The following CYP4F8 variants were observed in gnomAD, a reference collection of about 807,000 sequenced individuals.
CYP4F8 encodes the protein cytochrome P450 family 4 subfamily F member 8.
A neutral mutation model predicts 55.0 loss-of-function variants in CYP4F8; 56 were observed. The ratio of observed to expected loss-of-function variants is 1.02; its 90% confidence interval spans 0.82 to 1.27. The LOEUF (loss-of-function observed/expected upper bound fraction) is 1.27. Ranked by LOEUF, CYP4F8 falls within the 50% of genes most tolerant of loss-of-function variation. The pLI is 0.00. For synonymous variants in CYP4F8, 288 were observed against 267.3 expected (o/e 1.08, Z -0.76); for missense variants, 680 against 682.4 (o/e 1.00, Z 0.04).
intron 2 of CYP4F8, among the ~76,000 whole-genome samples, chr19:15,616,999 C>G (rs1254700989): frequency 6.6e-6 from 1 of 152,190 alleles, no homozygotes; most frequent in African/African-American, 2.4e-5. Flanking sequence ...ACCTCTTCTC[C>G]CCTGGGGGCT....
rs1364926987 is a variant in CYP4F8, at chr19:15,623,835, C to T, written c.985+70C>T. 14 of 1,602,218 alleles carry T rather than the reference C, an allele frequency of 8.7e-6. No individual in the cohort carries two copies. The Admixed American group carries it at 1.4e-4, about 15-fold the overall frequency. Reference sequence around the variant, plus strand: ...CACTCCAGGGAAGTGGAGGGCCGGCCCTGAATCACTTCATTCTGCCCAACC... The same window carrying T: ...CACTCCAGGGAAGTGGAGGGCCGGCTCTGAATCACTTCATTCTGCCCAACC... On this transcript the variant is annotated intron_variant, in intron 8 of 12. Coordinates refer to ENST00000612078, the MANE Select transcript of CYP4F8 (RefSeq NM_007253.4).
intron 3 of CYP4F8, chr19:15,618,469 A>C: frequency 2.4e-6 from 1 of 423,392 alleles, no homozygotes. Flanking sequence ...GGGGTTCAGA[A>C]TGGGCCAGGA....
chr19:15,622,535 T>G (rs1231751074), intron 6 of CYP4F8, among the ~76,000 whole-genome samples, 195 bp downstream of exon 6: 1 of 152,030 alleles, frequency 6.6e-6, no homozygotes, highest in African/African-American at 2.4e-5. Context: ...TGGAACTGTT[T>G]GGGTCAAGGC....
intron 2 of CYP4F8, among the ~76,000 whole-genome samples, chr19:15,617,539 CGTCT>C (rs1972139937): frequency 1.4e-5 from 2 of 142,800 alleles, no homozygotes; most frequent in Non-Finnish European, 3.1e-5. Flanking sequence ...TCTATCAGTC[CGTCT>C]GTCTGTCTAT....
intron 3 of CYP4F8, 42 bp from the exon 4 acceptor site, chr19:15,619,448 C>G (rs1972164659): frequency 1.2e-6 from 2 of 1,612,870 alleles, no homozygotes; most frequent in South Asian, 1.1e-5. Flanking sequence ...AGTCCCTCCT[C>G]TATTCCTCTC....
chr19:15,619,098 A>G (rs762253264), intron 3 of CYP4F8: 16 of 199,176 alleles, frequency 8.0e-5, no homozygotes, highest in Admixed American at 2.6e-4. Flanking sequence ...TGCAACATCC[A>G]GGGAGGTTGG....
At chr19:15,623,038 C>T (rs1972213987) in intron 6 of CYP4F8, 67 bp from the exon 7 acceptor site, 4 of 1,537,812 alleles carry the variant, frequency 2.6e-6, no homozygotes, top group Non-Finnish European at 3.5e-6. Flanking sequence ...GGGATTCTGG[C>T]TGGAAGGTGC....
At chr19:15,628,238 G>A (rs1972286013) in intron 9 of CYP4F8, 64 bp from the exon 10 acceptor site, 5 of 1,607,268 alleles carry the variant, frequency 3.1e-6, no homozygotes, top group African/African-American at 1.3e-5. Flanking sequence ...GGTGGTGAGA[G>A]GGTCTCCAGG....
rs752305916 is a variant in CYP4F8, at chr19:15,623,732, A to G, written c.952A>G (p.Ile318Val). ...TGGTAAAGAGTTGTCAGATGAGGAC[A>G]TAAGAGCAGAAGCTGACACTTTCAT... ...KNGKELSDED[I>V]RAEADTFMFG... Residue 318 changes from isoleucine to valine, a missense_variant, in exon 8 of 13, where the codon ATA becomes GTA. Coordinates refer to ENST00000612078, the MANE Select transcript of CYP4F8 (RefSeq NM_007253.4). 4.3e-6 allele frequency: 7 copies of G among 1,614,136 alleles called. No homozygotes were observed. Among genetic ancestry groups the G allele is most frequent in the Admixed American group, 1.7e-5 (1 of 60,028 alleles).
In CYP4F8 at chr19:15,618,271, C is replaced by T. The variant is rs143098762; in HGVS notation, c.343+127C>T. The T allele has an allele frequency of 1.4e-4, 195 of 1,425,990 alleles. 1 individual carries two copies. The African/African-American group carries it at 2.5e-3, about 18-fold the overall frequency. The allele number at this position is 1,425,990 out of a possible 1,614,324, so 88.3% of individuals were successfully genotyped here. A position where few individuals can be genotyped will look rare whatever the true frequency, so the allele number is the denominator to read the frequency against. ...TTCCTTCCTGCTTCTCTCTCAGCCA[C>T]CTTCCTCTTTCCTTCCTGTAGTCAC... On this transcript the variant is annotated intron_variant, in intron 3 of 12. Coordinates refer to ENST00000612078, the MANE Select transcript of CYP4F8 (RefSeq NM_007253.4).
At chr19:15,620,393 G>A (rs1430961931) in intron 5 of CYP4F8, among the ~76,000 whole-genome samples, 1 of 152,116 alleles carries the variant, frequency 6.6e-6, no homozygotes, top group African/African-American at 2.4e-5. Flanking sequence ...CTTCTCACTA[G>A]TTATTATTAT....
At chr19:15,619,610 C>G in intron 4 of CYP4F8, 25 bp from the exon 5 acceptor site, 1 of 1,614,170 alleles carries the variant, frequency 6.2e-7, no homozygotes, top group Non-Finnish European at 8.5e-7. Context: ...CTGCCCTTGC[C>G]CACAGCCTTT....
Position 15,623,272 on chromosome 19 carries a change from A to G in CYP4F8, c.815A>G (p.Gln272Arg), listed in dbSNP as rs771066755. 2.5e-6 allele frequency: 4 copies of G among 1,614,074 alleles called. No homozygotes were observed. The highest frequency in any genetic ancestry group is 3.4e-6 in the Non-Finnish European group (4 of 1,180,026). The change falls in exon 7 of 13, where the codon CAG becomes CGG. Residue 272 changes from glutamine to arginine, a missense_variant. Transcript: ENST00000612078. ...LVHDFTDAVI[Q>R]ERRRTLTSQG... ...CACGACTTCACAGATGCCGTCATCC[A>G]GGAGCGGCGCCGCACCCTCACTAGC...
rs763344231 is a variant in CYP4F8 at position 15,619,584 on chromosome 19, TGGCCAG to T, written c.397+44_398-43del. 366 of 1,614,040 alleles carry T rather than the reference TGGCCAG, an allele frequency of 2.3e-4. 1 individual carries two copies. Among genetic ancestry groups the T allele is most frequent in the Non-Finnish European group, 3.1e-4 (362 of 1,179,986 alleles). On this transcript the variant is annotated intron_variant, in intron 4 of 12. Transcript: ENST00000612078. ...TGGACGGGACGGGGACCAACTTTTG[TGGCCAG>T]GGGAAGATTCTGCCCTTGCCCACAG...
chr19:15,615,912 C>CTCACTCATTCCTCTGATCAG, intron 2 of CYP4F8, 98 bp downstream of exon 2: 1 of 1,236,638 alleles, frequency 8.1e-7, no homozygotes, highest in Non-Finnish European at 1.1e-6. Context: ...GGCAGAGAAA[C>CTCACTCATTCCTCTGATCAG]TCACTCATTC....
Position 15,623,339 on chromosome 19 carries a change from G to C in CYP4F8, c.882G>C (p.Lys294Asn). ...TCCTCCAAGCCAAGGCCAAGTCCAAGACTTTGGACTTTATTGATGTGCTCC... is the reference window on the plus strand; with the variant it reads ...TCCTCCAAGCCAAGGCCAAGTCCAACACTTTGGACTTTATTGATGTGCTCC... ...DDFLQAKAKSKTLDFIDVLLL... is the reference protein window; with the variant it reads ...DDFLQAKAKSNTLDFIDVLLL... Residue 294 changes from lysine to asparagine, a missense_variant, in exon 7 of 13, where the codon AAG becomes AAC. By Grantham distance (94) the Lys-to-Asn change is moderately conservative. Coordinates refer to ENST00000612078, the MANE Select transcript of CYP4F8 (RefSeq NM_007253.4). The C allele has an allele frequency of 3.7e-6, 6 of 1,614,074 alleles. No individual in the cohort carries two copies. Among genetic ancestry groups the C allele is most frequent in the Non-Finnish European group, 5.1e-6 (6 of 1,180,020 alleles).
chr19:15,629,150 TCTGGGTC>T (rs768674183), intron 12 of CYP4F8, 36 bp from the exon 13 acceptor site: 179 of 1,540,498 alleles, frequency 1.2e-4, no homozygotes, highest in Non-Finnish European at 1.5e-4. Flanking sequence ...GGGGCCGGGA[TCTGGGTC>T]CTGGGTGCAG....
Position 15,629,409 on chromosome 19 carries a change from A to G in CYP4F8, c.*51A>G. The G allele has an allele frequency of 6.6e-7, 1 of 1,525,824 alleles. No individual in the cohort carries two copies. The highest frequency in any genetic ancestry group is 1.3e-5 in the South Asian group (1 of 78,198). The allele number at this position is 1,525,824 out of a possible 1,614,324, so 94.5% of individuals were successfully genotyped here. A position where few individuals can be genotyped will look rare whatever the true frequency, so the allele number is the denominator to read the frequency against. The stretch of plus-strand genomic sequence containing the variant: ...CTTTGCATCACCTACCTTTGCACCA[A>G]CTACCTTTTCAGATTTCCGGTAATA... On this transcript the variant is annotated 3_prime_UTR_variant, in exon 13 of 13. Coordinates refer to ENST00000612078, the MANE Select transcript of CYP4F8 (RefSeq NM_007253.4).
In CYP4F8 at chr19:15,615,756, G is replaced by T. The variant is rs761304622; in HGVS notation, c.140G>T (p.Arg47Leu). 2 of 1,613,970 alleles carry T rather than the reference G, an allele frequency of 1.2e-6. No individual in the cohort carries two copies. The highest frequency in any genetic ancestry group is 1.7e-6 in the Non-Finnish European group (2 of 1,179,912). ...WTYAFYHNGRRLRCFPQPRKQ... is the reference protein window; with the variant it reads ...WTYAFYHNGRLLRCFPQPRKQ... ...TATGCCTTCTATCACAACGGCCGCC[G>T]CCTCCGGTGTTTCCCGCAGCCCCGG... Residue 47 changes from arginine (R) to leucine (L), a missense_variant, in exon 2 of 13, where the codon CGC (arginine) becomes CTC (leucine). Arg to Leu is a moderately radical substitution (Grantham distance 102, BLOSUM62 -2). Coordinates refer to ENST00000612078, the MANE Select transcript of CYP4F8 (RefSeq NM_007253.4).
Sources: gnomAD v4.1 joint callset for allele counts (sites outside exome capture counted in the v4.1 genomes callset) on GRCh38, gnomAD v4.1.1 for gene constraint, MANE v1.5 for transcripts, NCBI Gene and HGNC (gene_info 2026-07-23, HGNC 2026-07-21) for gene names.